CFAP54: variants seen among roughly 807,000 people sequenced by gnomAD.
CFAP54 encodes the protein cilia and flagella associated protein 54, also known as cilia- and flagella-associated protein 54.
A neutral mutation model predicts 370.4 loss-of-function variants in CFAP54; 290 were observed. The observed-to-expected ratio is 0.78, with a 90% CI of 0.71 to 0.86. CFAP54 has a LOEUF of 0.86. Among genes scored for constraint, CFAP54 ranks in the 40% least tolerant of loss-of-function variants. CFAP54 has a pLI of 0.00. For synonymous variants in CFAP54, 1,206 were observed against 1,236.5 expected (o/e 0.98, Z 0.52); for missense variants, 3,399 against 3,528.7 (o/e 0.96, Z 0.93).
intron 39 of CFAP54, among the ~76,000 whole-genome samples, chr12:96,677,272 A>G (rs973286474): frequency 2.6e-5 from 4 of 151,952 alleles, no homozygotes; most frequent in African/African-American, 4.8e-5. Flanking sequence ...TCATCCTCCC[A>G]AAGTGCTGGG....
intron 14 of CFAP54, among the ~76,000 whole-genome samples, chr12:96,543,643 T>C (rs527445180): frequency 1.8e-4 from 27 of 152,194 alleles, no homozygotes; most frequent in Admixed American, 3.3e-4. Context: ...AGGCTTTGGA[T>C]GATGTTTTCG....
At chr12:96,616,008 A>G (rs1208096986) in intron 26 of CFAP54, among the ~76,000 whole-genome samples, 2 of 152,240 alleles carry the variant, frequency 1.3e-5, no homozygotes, top group Non-Finnish European at 2.9e-5. Flanking sequence ...CCATCCCATT[A>G]CTGGGTATAT....
chr12:96,838,967 A>G (rs1344831925), intron 66 of CFAP54, among the ~76,000 whole-genome samples: 1 of 152,172 alleles, frequency 6.6e-6, no homozygotes, highest in South Asian at 2.1e-4. Context: ...GTTGTTAACC[A>G]TTGTCAGTAT....
Position 96,693,748 on chromosome 12 carries a change from A to G in CFAP54, c.6291A>G (p.Gln2097=), listed in dbSNP as rs1225726322. ...TTCTGCCTCTCCTTGCATTGTATCA[A>G]TATTTTGTTTCTGGAATTTGTCAAG... ...LIVLPLLALY[Q]YFVSGICQDI... Residue 2097 remains glutamine (Q), a synonymous_variant, in exon 45 of 68, where the codon CAA becomes CAG. Coordinates refer to ENST00000524981, the MANE Select transcript of CFAP54 (RefSeq NM_001306084.2). 3 of 1,598,904 alleles carry G rather than the reference A, an allele frequency of 1.9e-6. No individual in the cohort carries two copies. Among genetic ancestry groups the G allele is most frequent in the Non-Finnish European group, 2.6e-6 (3 of 1,167,672 alleles).
intron 55 of CFAP54, among the ~76,000 whole-genome samples, chr12:96,744,593 A>G (rs1005027627): frequency 6.6e-5 from 10 of 152,250 alleles, no homozygotes; most frequent in African/African-American, 2.2e-4. Flanking sequence ...GGAATGTGTT[A>G]AATGCATTAT....
chr12:96,661,204 C>A (rs778668938), intron 38 of CFAP54, among the ~76,000 whole-genome samples: 7 of 152,206 alleles, frequency 4.6e-5, no homozygotes, highest in Non-Finnish European at 1.0e-4. Flanking sequence ...CTTATCCTGC[C>A]GTGGTCTTTC....
rs979354169 is a variant in CFAP54 at position 96,500,916 on chromosome 12, GGA to G, written c.403_404del (p.Asp135Ter). On this transcript the variant is annotated frameshift_variant, in exon 2 of 68. Transcript: ENST00000524981. LOFTEE classifies it high-confidence loss of function. Reference sequence around the variant, plus strand: ...TTACAACGAAAAGCTTCTGAAGGTTGGAGATAGCCTTTGTCAAATGAAAGTAA... The same window carrying G: ...TTACAACGAAAAGCTTCTGAAGGTTGGATAGCCTTTGTCAAATGAAAGTAA... ...DYYNEKLLKVGDSLCQMKEYK... is the reference protein window; with the variant it reads ...DYYNEKLLKVXDSLCQMKEYK... 79 of 1,534,988 alleles carry G rather than the reference GGA, an allele frequency of 5.1e-5. No homozygotes were observed. The highest frequency in any genetic ancestry group is 6.7e-5 in the Non-Finnish European group (77 of 1,146,198).
chr12:96,677,626 A>G, intron 39 of CFAP54, among the ~76,000 whole-genome samples: 1 of 152,160 alleles, frequency 6.6e-6, no homozygotes, highest in African/African-American at 2.4e-5. Context: ...GGCAGAGCAG[A>G]CAGGAGACTG....
At chr12:96,492,994 CA>C (rs11362891) in intron 1 of CFAP54, among the ~76,000 whole-genome samples, 39,088 of 113,412 alleles carry the variant, frequency 0.34, 4,956 homozygotes, top group South Asian at 0.45. Flanking sequence ...GACTCTGTCT[CA>C]AAAAAAAAAA....
chr12:96,634,202 T>G (rs1050899232), intron 32 of CFAP54, among the ~76,000 whole-genome samples: 1 of 151,600 alleles, frequency 6.6e-6, no homozygotes, highest in Non-Finnish European at 1.5e-5. Flanking sequence ...ATTACAGGCA[T>G]GCACCACCAC....
In CFAP54 at chr12:96,651,662, A is replaced by G. The variant is rs1454956053; in HGVS notation, c.4947A>G (p.Glu1649=). 1 of 1,614,176 alleles carries G rather than the reference A, an allele frequency of 6.2e-7. No individual in the cohort carries two copies. Among genetic ancestry groups the G allele is most frequent in the South Asian group, 1.1e-5 (1 of 91,082 alleles). The change falls in exon 36 of 68, where the codon GAA becomes GAG. Residue 1649 remains glutamate, a synonymous_variant. Coordinates refer to ENST00000524981, the MANE Select transcript of CFAP54 (RefSeq NM_001306084.2). Reference sequence around the variant, plus strand: ...GGGCCTTATGGAACTTTACTCAGGAACTACAAATACTTCTTAAACAGGCAG... The same window carrying G: ...GGGCCTTATGGAACTTTACTCAGGAGCTACAAATACTTCTTAAACAGGCAG... ...CCRALWNFTQ[E]LQILLKQAVD...
chr12:96,544,660 G>T (rs1346082765), intron 14 of CFAP54, among the ~76,000 whole-genome samples: 1 of 152,186 alleles, frequency 6.6e-6, no homozygotes, highest in East Asian at 1.9e-4. Context: ...GAGAGGCCAG[G>T]AAGAATCTGA....
At chr12:96,750,117 C>T (rs1445272253) in intron 55 of CFAP54, among the ~76,000 whole-genome samples, 2 of 152,230 alleles carry the variant, frequency 1.3e-5, no homozygotes, top group African/African-American at 4.8e-5. Flanking sequence ...AGCTGTCACT[C>T]TTTGGAGCTA....
chr12:96,674,415 G>A (rs867545736), intron 39 of CFAP54, among the ~76,000 whole-genome samples: 5 of 145,444 alleles, frequency 3.4e-5, no homozygotes, highest in Middle Eastern at 3.9e-3. Flanking sequence ...AGTGCCTTTG[G>A]AATAGCTTCT....
At chr12:96,577,665 G>A (rs1025107105) in intron 20 of CFAP54, among the ~76,000 whole-genome samples, 1 of 151,748 alleles carries the variant, frequency 6.6e-6, no homozygotes, top group Non-Finnish European at 1.5e-5. Context: ...TGGAAAGTGT[G>A]TTTATTGTGA....
At chr12:96,539,081 TTTG>T (rs1312046626) in intron 13 of CFAP54, among the ~76,000 whole-genome samples, 21 of 142,982 alleles carry the variant, frequency 1.5e-4, no homozygotes, top group African/African-American at 5.5e-4. Flanking sequence ...TTTTTTTGTT[TTTG>T]TTTTTGAGAT....
At chr12:96,807,257 A>C (rs1258686465) in intron 63 of CFAP54, among the ~76,000 whole-genome samples, 11 of 152,222 alleles carry the variant, frequency 7.2e-5, no homozygotes. Context: ...TAGTGACATA[A>C]ACAGGAATGA....
intron 26 of CFAP54, among the ~76,000 whole-genome samples, chr12:96,616,376 G>C (rs144304047): frequency 1.1e-4 from 16 of 151,618 alleles, no homozygotes; most frequent in South Asian, 2.1e-4. Context: ...GTGGTGGGAG[G>C]GGGGAGGGAT....
In CFAP54 at chr12:96,576,567, T is replaced by A; in HGVS notation, c.2620-18T>A. The stretch of plus-strand genomic sequence containing the variant: ...AAGCTCTTGACATATATTTTTCTAT[T>A]TTCATATTTCATTATAGGAAGCATA... On this transcript the variant is annotated intron_variant, in intron 19 of 67. Transcript: ENST00000524981. 6.8e-7 allele frequency: 1 copy of A among 1,476,160 alleles called. No homozygotes were observed. The highest frequency in any genetic ancestry group is 9.0e-7 in the Non-Finnish European group (1 of 1,106,688). 91.4% of individuals were successfully genotyped at this position (1,476,160 alleles called of 1,614,324 possible).
Sources: allele counts gnomAD v4.1 joint callset (sites outside exome capture counted in the v4.1 genomes callset), GRCh38; gene constraint gnomAD v4.1.1; transcripts MANE v1.5; gene names NCBI Gene and HGNC (gene_info 2026-07-23, HGNC 2026-07-21).